Variants in NFX1 observed in about 807,000 individuals in gnomAD.
The protein encoded by NFX1 is transcriptional repressor NF-X1.
NFX1 carries 69 observed loss-of-function variants against 137.2 expected under a neutral mutation model. The ratio of observed to expected loss-of-function variants is 0.50; its 90% confidence interval spans 0.41 to 0.61. The LOEUF is 0.61. Ranked by LOEUF, NFX1 falls within the 20% of genes least tolerant of loss-of-function variation. NFX1 has a pLI of 0.00. For missense variants in NFX1, 1,167 were observed against 1,391.0 expected (o/e 0.84, Z 2.56); for synonymous variants, 495 against 474.1 (o/e 1.04, Z -0.57).
At chr9:33,294,319 A>G (rs1421854401) in intron 1 of NFX1, 101 bp from the exon 2 acceptor site, 4 of 1,128,218 alleles carry the variant, frequency 3.5e-6, no homozygotes, top group East Asian at 2.4e-5. Flanking sequence ...TGTTTTATAC[A>G]AAGTTCTAAG....
intron 2 of NFX1, among the ~76,000 whole-genome samples, chr9:33,296,808 A>G (rs1821374735): frequency 6.6e-6 from 1 of 152,188 alleles, no homozygotes; most frequent in Non-Finnish European, 1.5e-5. Context: ...TACAGCCCTC[A>G]CGCTTATGTC....
At chr9:33,352,498 G>A (rs1823672198) in intron 16 of NFX1, 148 bp from the exon 17 acceptor site, 3 of 722,680 alleles carry the variant, frequency 4.2e-6, no homozygotes, top group Non-Finnish European at 7.5e-6. Context: ...CAGTTTGCAT[G>A]TGTGGTTAGC....
chr9:33,318,368 G>T (rs1394802334), intron 7 of NFX1, among the ~76,000 whole-genome samples: 16 of 152,214 alleles, frequency 1.1e-4, no homozygotes, highest in African/African-American at 3.4e-4. Context: ...ACCCGCAGGA[G>T]CCTCACAGTG....
chr9:33,338,356 AAAAAC>A (rs989051067), intron 11 of NFX1, among the ~76,000 whole-genome samples, 149 bp from the exon 12 acceptor site: 2 of 152,218 alleles, frequency 1.3e-5, no homozygotes, highest in African/African-American at 4.8e-5. Flanking sequence ...CTCCATCTCA[AAAAAC>A]AAAACAAAAC....
At chr9:33,335,723 A>G (rs189043089) in intron 11 of NFX1, among the ~76,000 whole-genome samples, 40 of 152,204 alleles carry the variant, frequency 2.6e-4, no homozygotes, top group South Asian at 1.5e-3. Flanking sequence ...GTCCTCCCCC[A>G]GGTAACCACT....
chr9:33,344,217 GC>G (rs1823329483), intron 14 of NFX1, 29 bp downstream of exon 14: 14 of 1,612,490 alleles, frequency 8.7e-6, no homozygotes, highest in Non-Finnish European at 1.2e-5. Context: ...TCACACTTCA[GC>G]CTGCTCACAC....
rs1275625692 is a variant in NFX1 at position 33,295,171 on chromosome 9, A to G, written c.777A>G (p.Arg259=). 6.2e-7 allele frequency: 1 copy of G among 1,614,034 alleles called. No homozygotes were observed. The highest frequency in any genetic ancestry group is 1.3e-5 in the African/African-American group (1 of 74,910). The part of the protein sequence containing the change: ...EVEGARPRPG[R]NPPKQEGHRH... ...AGGGGGCCAGGCCACGACCAGGCAG[A>G]AATCCACCAAAACAGGAGGGCCACC... Residue 259 remains arginine (R), a synonymous_variant, in exon 2 of 24, where the codon AGA becomes AGG. Coordinates refer to ENST00000379540, the MANE Select transcript of NFX1 (RefSeq NM_002504.6).
intron 6 of NFX1, among the ~76,000 whole-genome samples, chr9:33,313,289 G>T (rs527382731): frequency 2.6e-5 from 4 of 152,112 alleles, no homozygotes; most frequent in South Asian, 4.2e-4. Flanking sequence ...GAAAAAGGAG[G>T]AGAAAGAAGA....
At chr9:33,320,203 G>A (rs1287230549) in intron 9 of NFX1, among the ~76,000 whole-genome samples, 1 of 152,008 alleles carries the variant, frequency 6.6e-6, no homozygotes, top group Non-Finnish European at 1.5e-5. Context: ...GACCTTGGGT[G>A]ATCTGCCCGC....
At position 33,318,961 on chromosome 9, in the gene NFX1, C is replaced by T; in HGVS notation, c.1740C>T (p.Pro580=). ...GTTCGCAAGTGTGCCACCCTCAGCC[C>T]TGCCAGCAATGCCCACGGCTCCCCC... The part of the protein sequence containing the change: ...HTCSQVCHPQ[P]CQQCPRLPQL... Residue 580 remains proline (P), a synonymous_variant, in exon 9 of 24, where the codon CCC becomes CCT. Coordinates refer to ENST00000379540, the MANE Select transcript of NFX1 (RefSeq NM_002504.6). 1.2e-6 allele frequency: 2 copies of T among 1,614,240 alleles called. No homozygotes were observed. Among genetic ancestry groups the T allele is most frequent in the Non-Finnish European group, 1.7e-6 (2 of 1,180,050 alleles).
At chr9:33,303,487 C>T (rs183841570) in intron 4 of NFX1, among the ~76,000 whole-genome samples, 32 of 152,284 alleles carry the variant, frequency 2.1e-4, no homozygotes, top group Admixed American at 2.0e-3. Flanking sequence ...GCTCATGCTG[C>T]TTCTGGGCTG....
chr9:33,304,636 A>T (rs1234561268), intron 4 of NFX1, among the ~76,000 whole-genome samples: 1 of 152,124 alleles, frequency 6.6e-6, no homozygotes, highest in Non-Finnish European at 1.5e-5. Flanking sequence ...CCCTCTTACA[A>T]AGGAAGCTTT....
chr9:33,342,232 T>C (rs561743247), intron 12 of NFX1, among the ~76,000 whole-genome samples: 4 of 151,870 alleles, frequency 2.6e-5, no homozygotes, highest in Non-Finnish European at 5.9e-5. Context: ...GAGGCCAAGG[T>C]GGGCGGATCA....
chr9:33,308,235 A>G (rs967689222), intron 5 of NFX1, among the ~76,000 whole-genome samples: 1 of 152,190 alleles, frequency 6.6e-6, no homozygotes, highest in Non-Finnish European at 1.5e-5. Flanking sequence ...TGAGGCCAGG[A>G]GTTCTAGACC....
At chr9:33,305,108 T>C (rs897672376) in intron 4 of NFX1, among the ~76,000 whole-genome samples, 4 of 152,218 alleles carry the variant, frequency 2.6e-5, no homozygotes, top group African/African-American at 7.2e-5. Context: ...TTATTAATGT[T>C]CAAGGCACTG....
intron 2 of NFX1, among the ~76,000 whole-genome samples, chr9:33,298,411 T>G (rs1361822242): frequency 6.6e-6 from 1 of 152,142 alleles, no homozygotes; most frequent in African/African-American, 2.4e-5. Context: ...GTCCCTTGGA[T>G]TTGGTTCTGA....
chr9:33,308,150 T>G (rs1433681270), intron 5 of NFX1, among the ~76,000 whole-genome samples: 1 of 152,158 alleles, frequency 6.6e-6, no homozygotes, highest in Non-Finnish European at 1.5e-5. Context: ...AGCTGTAGAT[T>G]ATATCCATAA....
chr9:33,329,708 G>A (rs996896268), intron 10 of NFX1, among the ~76,000 whole-genome samples: 1 of 151,444 alleles, frequency 6.6e-6, no homozygotes, highest in Non-Finnish European at 1.5e-5. Context: ...ACCCAGGATG[G>A]AGTGCAGAGG....
chr9:33,317,611 C>T (rs1303668936), intron 7 of NFX1, among the ~76,000 whole-genome samples: 1 of 150,920 alleles, frequency 6.6e-6, no homozygotes, highest in Non-Finnish European at 1.5e-5. Flanking sequence ...CCGCAGTAAG[C>T]TGTGTTCACA....
Sources: allele counts gnomAD v4.1 joint callset (sites outside exome capture counted in the v4.1 genomes callset), GRCh38; gene constraint gnomAD v4.1.1; transcripts MANE v1.5; gene names NCBI Gene and HGNC (gene_info 2026-07-23, HGNC 2026-07-21).